The following LRRC37A2 variants were observed in gnomAD, a reference collection of about 807,000 sequenced individuals.
LRRC37A2 encodes the protein leucine-rich repeat-containing protein 37A2.
Under a neutral mutation model 68.8 loss-of-function variants are expected in LRRC37A2, and 9 were observed. The observed-to-expected ratio is 0.13, with a 90% CI of 0.08 to 0.23. The LOEUF is 0.23. Among genes scored for constraint, LRRC37A2 ranks in the 10% least tolerant of loss-of-function variants. The probability of loss-of-function intolerance (pLI) is 1.00; values close to 1 mark genes in which losing one functional copy is unlikely to be tolerated. For missense variants in LRRC37A2, 168 were observed against 950.4 expected (o/e 0.18, Z 10.82); for synonymous variants, 63 against 367.6 (o/e 0.17, Z 9.48).
At chr17:46,924,785 A>G in the LRRC37A2 span, among the ~76,000 whole-genome samples, 1 of 152,254 alleles carries the variant, frequency 6.6e-6, no homozygotes, top group African/African-American at 2.4e-5. Flanking sequence ...ATTTAGAGAA[A>G]GAATGAAACG....
chr17:46,838,919 C>T, the LRRC37A2 span, among the ~76,000 whole-genome samples: 1 of 152,100 alleles, frequency 6.6e-6, no homozygotes. Flanking sequence ...ACTCTGTCGC[C>T]CAGGCTGGAG....
the LRRC37A2 span, chr17:46,941,217 G>A: frequency 2.0e-6 from 2 of 996,436 alleles, no homozygotes; most frequent in East Asian, 1.0e-4. Context: ...AGTTAGAGGA[G>A]TCTTGATTTT....
chr17:46,998,421 T>C, the LRRC37A2 span, among the ~76,000 whole-genome samples: 1 of 152,198 alleles, frequency 6.6e-6, no homozygotes, highest in African/African-American at 2.4e-5. Flanking sequence ...GCTTTTGCTT[T>C]GTCTTGTCAC....
At chr17:46,844,644 T>C in the LRRC37A2 span, among the ~76,000 whole-genome samples, 6 of 152,174 alleles carry the variant, frequency 3.9e-5, no homozygotes, top group African/African-American at 9.7e-5. Context: ...CGTCCTTCTT[T>C]TTAGAGAGTT....
the LRRC37A2 span, among the ~76,000 whole-genome samples, chr17:46,866,200 C>G: frequency 4.6e-5 from 7 of 152,096 alleles, no homozygotes; most frequent in South Asian, 1.5e-3. Context: ...GGAGAGAAGC[C>G]TGGAGTTGGT....
At chr17:46,899,998 C>A in the LRRC37A2 span, among the ~76,000 whole-genome samples, 1 of 151,346 alleles carries the variant, frequency 6.6e-6, no homozygotes, top group Non-Finnish European at 1.5e-5. Context: ...CCCCGTGAGT[C>A]TCAGAGTCCT....
At chr17:46,768,273 C>A in the LRRC37A2 span, 18 of 1,611,544 alleles carry the variant, frequency 1.1e-5, no homozygotes, top group Non-Finnish European at 1.5e-5. The surrounding 1 kb of genome is among the most constrained non-coding windows in gnomAD (Gnocchi z 5.0). Flanking sequence ...TTCCCTGCGC[C>A]CAGGCTCCCA....
the LRRC37A2 span, among the ~76,000 whole-genome samples, chr17:46,731,271 T>C: frequency 6.6e-6 from 1 of 152,094 alleles, no homozygotes; most frequent in African/African-American, 2.4e-5. Context: ...TTACATGAAA[T>C]GTCCAGGACT....
chr17:46,957,273 C>T, the LRRC37A2 span, among the ~76,000 whole-genome samples: 1 of 152,096 alleles, frequency 6.6e-6, no homozygotes, highest in South Asian at 2.1e-4. Context: ...TCACTGTACA[C>T]CAGCCTGGGC....
the LRRC37A2 span, among the ~76,000 whole-genome samples, chr17:46,980,363 T>C: frequency 3.2e-3 from 254 of 79,604 alleles, 1 homozygote; most frequent in South Asian, 0.022. Context: ...TTCTTCTTTC[T>C]TTCTCTTCTT....
intron 6 of LRRC37A2, among the ~76,000 whole-genome samples, chr17:46,532,277 T>C: frequency 6.7e-6 from 1 of 149,538 alleles, no homozygotes; most frequent in Non-Finnish European, 1.5e-5. Context: ...CATGCTATTA[T>C]TATCTGCTTC....
chr17:46,760,880 A>G, the LRRC37A2 span, among the ~76,000 whole-genome samples: 2 of 152,152 alleles, frequency 1.3e-5, no homozygotes, highest in Non-Finnish European at 2.9e-5. Context: ...ATTTCATAAA[A>G]TTACCTTCAG....
chr17:46,516,635 AG>A (rs1290799126), intron 2 of LRRC37A2: 1 of 167,414 alleles, frequency 6.0e-6, no homozygotes, highest in East Asian at 1.6e-4. Context: ...TATCAGCTAC[AG>A]GAGTTTGAAA....
At chr17:47,014,657 G>A in the LRRC37A2 span, among the ~76,000 whole-genome samples, 1 of 151,794 alleles carries the variant, frequency 6.6e-6, no homozygotes, top group Non-Finnish European at 1.5e-5. Context: ...CAGGAGAGGG[G>A]TTAGTCTCCC....
chr17:46,696,380 G>C, the LRRC37A2 span, among the ~76,000 whole-genome samples: 22 of 140,928 alleles, frequency 1.6e-4, 2 homozygotes, highest in Non-Finnish European at 2.5e-4. Context: ...TCCACGTGCA[G>C]TAACAGAAAG....
At chr17:46,916,660 A>G in the LRRC37A2 span, 1 of 152,236 alleles carries the variant, frequency 6.6e-6, no homozygotes, top group Non-Finnish European at 1.5e-5. Context: ...CAGCATCATG[A>G]GTAATGATGT....
At chr17:46,887,054 C>A in the LRRC37A2 span, among the ~76,000 whole-genome samples, 1 of 152,264 alleles carries the variant, frequency 6.6e-6, no homozygotes, top group Non-Finnish European at 1.5e-5. Context: ...TGGGCTCAAG[C>A]AATCCACCTG....
chr17:46,889,329 C>T, the LRRC37A2 span, among the ~76,000 whole-genome samples: 31 of 152,214 alleles, frequency 2.0e-4, no homozygotes, highest in South Asian at 3.9e-3. Flanking sequence ...CCTCCCTGGG[C>T]GTGGCGGGGG....
At chr17:46,774,008 G>C in the LRRC37A2 span, 4 of 1,506,268 alleles carry the variant, frequency 2.7e-6, no homozygotes, top group Non-Finnish European at 3.6e-6. Flanking sequence ...TAGGTGGAGA[G>C]GCAGAGGGCC....
Sources: gnomAD v4.1 joint callset for allele counts (sites outside exome capture counted in the v4.1 genomes callset) on GRCh38, gnomAD v4.1.1 for gene constraint, Gnocchi (gnomAD v3.1) non-coding constraint, MANE v1.5 for transcripts, NCBI Gene and HGNC (gene_info 2026-07-23, HGNC 2026-07-21) for gene names.